Variants in PLCL1 observed in about 807,000 individuals in gnomAD.
PLCL1 encodes inactive phospholipase C-like protein 1.
PLCL1 carries 41 observed loss-of-function variants against 84.4 expected under a neutral mutation model. The ratio of observed to expected loss-of-function variants is 0.49; its 90% CI spans 0.38 to 0.63. The LOEUF (loss-of-function observed/expected upper bound fraction) is 0.63. Among genes scored for constraint, PLCL1 ranks in the 30% least tolerant of loss-of-function variants. PLCL1 has a pLI of 0.00. For missense variants in PLCL1, 1,206 were observed against 1,367.8 expected (o/e 0.88, Z 1.87); for synonymous variants, 490 against 488.3 (o/e 1.00, Z -0.05).
chr2:197,912,575 A>C (rs940329820), intron 1 of PLCL1, among the ~76,000 whole-genome samples: 10 of 150,486 alleles, frequency 6.6e-5, no homozygotes, highest in African/African-American at 2.4e-4. Flanking sequence ...CTGGATTAAG[A>C]AAATGTGGCA....
chr2:198,110,671 A>G (rs1693597461), intron 5 of PLCL1, among the ~76,000 whole-genome samples: 1 of 151,868 alleles, frequency 6.6e-6, no homozygotes, highest in South Asian at 2.1e-4. Flanking sequence ...ATAGATATTT[A>G]AAATCATTCT....
At chr2:197,907,961 C>T (rs988925792) in intron 1 of PLCL1, among the ~76,000 whole-genome samples, 1 of 152,170 alleles carries the variant, frequency 6.6e-6, no homozygotes, top group Non-Finnish European at 1.5e-5. Context: ...AGGGCCACTG[C>T]TCTTGTACAA....
rs148064336 is a variant in PLCL1 at position 198,023,970 on chromosome 2, C to T, written c.241-59788C>T. ...CACATATGTTTATGGCAGTACTGCT[C>T]ACAATAGCAAAGACTTGGAACTAAC... On this transcript the variant is annotated intron_variant, in intron 1 of 5. Transcript: ENST00000428675. Among the ~76,000 whole-genome samples the T allele has an allele frequency of 3.8e-4, 58 of 152,192 alleles. 1 individual carries two copies. The East Asian group carries it at 0.01, about 26-fold the overall frequency.
In PLCL1 at chr2:198,020,074, G is replaced by A. The variant is rs537136239; in HGVS notation, c.241-63684G>A. ...ACCCTGCAAGCCAGAAGAGAGTGGG[G>A]ACCAATATTCAACATTCTTAAAGAA... is the stretch of plus-strand genomic sequence containing the variant. On this transcript the variant is annotated intron_variant, in intron 1 of 5. Coordinates refer to ENST00000428675, the MANE Select transcript of PLCL1 (RefSeq NM_006226.4). Among the ~76,000 whole-genome samples the A allele has an allele frequency of 3.3e-5, 5 of 152,304 alleles. No homozygotes were observed. In the East Asian group the frequency reaches 9.6e-4, roughly 29 times the overall value.
At chr2:197,853,482 C>T (rs1687275897) in intron 1 of PLCL1, among the ~76,000 whole-genome samples, 2 of 152,092 alleles carry the variant, frequency 1.3e-5, no homozygotes, top group Admixed American at 6.6e-5. Flanking sequence ...TTTCTCTGTG[C>T]CTCACCTTCC....
At chr2:198,058,240 T>A (rs544220920) in intron 1 of PLCL1, among the ~76,000 whole-genome samples, 19 of 152,318 alleles carry the variant, frequency 1.2e-4, no homozygotes, top group Middle Eastern at 3.4e-3. Context: ...CCATTTTATG[T>A]CCTTCTGTAT....
At chr2:198,022,351 T>C (rs575530048) in intron 1 of PLCL1, among the ~76,000 whole-genome samples, 2 of 152,310 alleles carry the variant, frequency 1.3e-5, no homozygotes, top group East Asian at 3.9e-4. Flanking sequence ...AAGACAAGGA[T>C]GCCCTCTCTC....
At chr2:197,835,510 A>G (rs913852571) in intron 1 of PLCL1, among the ~76,000 whole-genome samples, 5 of 152,080 alleles carry the variant, frequency 3.3e-5, no homozygotes, top group African/African-American at 1.2e-4. Context: ...TTCTGTCTCT[A>G]TGAGTTTGCA....
intron 5 of PLCL1, among the ~76,000 whole-genome samples, chr2:198,118,000 G>A (rs1397915085): frequency 3.3e-5 from 5 of 151,690 alleles, no homozygotes; most frequent in African/African-American, 7.3e-5. Context: ...TCATAGGCTC[G>A]TTTCTTATAT....
At chr2:197,900,307 C>T (rs1559039586) in intron 1 of PLCL1, among the ~76,000 whole-genome samples, 1 of 152,018 alleles carries the variant, frequency 6.6e-6, no homozygotes, top group Non-Finnish European at 1.5e-5. Context: ...TTAAGTAGGA[C>T]AGTAAATTCT....
chr2:197,929,701 C>A (rs774073485), intron 1 of PLCL1, among the ~76,000 whole-genome samples: 15 of 152,108 alleles, frequency 9.9e-5, no homozygotes, highest in Non-Finnish European at 1.0e-4. Flanking sequence ...GGATTCTGGG[C>A]AGGTATGAAT....
intron 1 of PLCL1, among the ~76,000 whole-genome samples, chr2:197,978,845 C>T (rs1690043546): frequency 6.6e-6 from 1 of 152,148 alleles, no homozygotes; most frequent in South Asian, 2.1e-4. Flanking sequence ...CGAAGATGCA[C>T]GTTTTTGGGA....
chr2:198,125,363 A>G (rs1263043031), intron 5 of PLCL1, among the ~76,000 whole-genome samples: 1 of 152,114 alleles, frequency 6.6e-6, no homozygotes, highest in Non-Finnish European at 1.5e-5. Flanking sequence ...CATAGGAACT[A>G]GGGGATTTTT....
At chr2:198,143,073 A>G (rs1010229076) in intron 5 of PLCL1, among the ~76,000 whole-genome samples, 1 of 152,178 alleles carries the variant, frequency 6.6e-6, no homozygotes, top group Non-Finnish European at 1.5e-5. Flanking sequence ...GAATAAGATT[A>G]AAACACTTTC....
intron 5 of PLCL1, among the ~76,000 whole-genome samples, chr2:198,131,710 C>G (rs534954925): frequency 6.6e-6 from 1 of 152,298 alleles, no homozygotes; most frequent in Non-Finnish European, 1.5e-5. Flanking sequence ...AGCTTGAAAG[C>G]CTTAGCCAGG....
At chr2:197,811,193 T>C (rs16824264) in intron 1 of PLCL1, among the ~76,000 whole-genome samples, 29,440 of 152,224 alleles carry the variant, frequency 0.19, 2,921 homozygotes, top group Middle Eastern at 0.27. Flanking sequence ...TTAATGATTA[T>C]ACTAAACTGA....
At chr2:198,144,246 T>C (rs1401701318) in intron 5 of PLCL1, among the ~76,000 whole-genome samples, 1 of 152,214 alleles carries the variant, frequency 6.6e-6, no homozygotes, top group Non-Finnish European at 1.5e-5. Context: ...ACTGCTATGC[T>C]TTTAAAATTC....
chr2:197,888,933 A>C (rs537625728), intron 1 of PLCL1, among the ~76,000 whole-genome samples: 4 of 152,322 alleles, frequency 2.6e-5, no homozygotes, highest in South Asian at 2.1e-4. Flanking sequence ...TAATTATATT[A>C]AAATGATAAG....
intron 1 of PLCL1, among the ~76,000 whole-genome samples, chr2:197,904,329 T>C (rs569009012): frequency 6.6e-6 from 1 of 152,348 alleles, no homozygotes; most frequent in South Asian, 2.1e-4. Flanking sequence ...TTGGGTTCTT[T>C]ATTCCGTTGT....
Sources: gnomAD v4.1 joint callset for allele counts (sites outside exome capture counted in the v4.1 genomes callset) on GRCh38, gnomAD v4.1.1 for gene constraint, MANE v1.5 for transcripts, NCBI Gene and HGNC (gene_info 2026-07-23, HGNC 2026-07-21) for gene names.